The following PSMD14 variants were observed in gnomAD, a reference collection of about 807,000 sequenced individuals.
PSMD14 encodes ubiquitin C-terminal hydrolase PSMD14.
In PSMD14, 7 loss-of-function variants were observed where a neutral mutation model predicts 41.2. The observed-to-expected ratio is 0.17, with a 90% CI of 0.10 to 0.32. PSMD14 has a LOEUF of 0.32. Ranked by LOEUF, PSMD14 falls within the 10% of genes least tolerant of loss-of-function variation. The pLI, the probability that PSMD14 is intolerant of heterozygous loss-of-function variation, is 1.00. For synonymous variants in PSMD14, 114 were observed against 122.3 expected (o/e 0.93, Z 0.45); for missense variants, 139 against 375.6 (o/e 0.37, Z 5.21).
At chr2:161,331,259 T>A (rs755471238) in intron 3 of PSMD14, among the ~76,000 whole-genome samples, 40 of 125,134 alleles carry the variant, frequency 3.2e-4, no homozygotes, top group Non-Finnish European at 5.1e-4. Flanking sequence ...GTCTTTGGAA[T>A]TTTTTTTTTT....
intron 5 of PSMD14, among the ~76,000 whole-genome samples, chr2:161,368,886 A>C (rs1278712929): frequency 2.0e-5 from 3 of 152,016 alleles, no homozygotes; most frequent in African/African-American, 7.2e-5. Context: ...TATTTGCTAC[A>C]GAATGCAATA....
At chr2:161,366,301 T>C (rs1032288550) in intron 3 of PSMD14, among the ~76,000 whole-genome samples, 6 of 152,120 alleles carry the variant, frequency 3.9e-5, no homozygotes, top group Admixed American at 6.5e-5. Flanking sequence ...TTATTTTATT[T>C]AGAGAAAACT....
In PSMD14 at chr2:161,319,860, G is replaced by T. The variant is rs188988168; in HGVS notation, c.48+987G>T. On this transcript the variant is annotated intron_variant, in intron 3 of 11. Coordinates refer to ENST00000409682, the MANE Select transcript of PSMD14 (RefSeq NM_005805.6). ...TATCATGGTTTATGACTTTTATAAA[G>T]TTGAAATCTTTTTGTGATTCTGTAT... is the stretch of plus-strand genomic sequence containing the variant. Among the ~76,000 whole-genome samples the T allele has an allele frequency of 5.3e-5, 8 of 152,272 alleles. No homozygotes were observed. In the East Asian group the frequency reaches 5.8e-4, roughly 11 times the overall value.
intron 8 of PSMD14, among the ~76,000 whole-genome samples, chr2:161,389,906 T>TTTTTTTTG: frequency 8.1e-6 from 1 of 122,802 alleles, no homozygotes; most frequent in African/African-American, 3.0e-5. Context: ...TTTTTTTTTT[T>TTTTTTTTG]TTTTTTAGAG....
chr2:161,345,966 A>T (rs1452310379), intron 3 of PSMD14, among the ~76,000 whole-genome samples: 2 of 152,094 alleles, frequency 1.3e-5, no homozygotes, highest in African/African-American at 2.4e-5. Context: ...ATCACAGCTC[A>T]CTGCAGCCTT....
intron 1 of PSMD14, among the ~76,000 whole-genome samples, chr2:161,309,093 T>TA (rs1689058708): frequency 6.6e-6 from 1 of 152,218 alleles, no homozygotes; most frequent in Admixed American, 6.5e-5. Context: ...GTCCTGCAGA[T>TA]ACACTGCTTT....
chr2:161,363,944 AC>A (rs1683324689), intron 3 of PSMD14, among the ~76,000 whole-genome samples: 1 of 151,700 alleles, frequency 6.6e-6, no homozygotes, highest in African/African-American at 2.4e-5. Context: ...GCTCAATTAG[AC>A]CCCCTGCCTT....
At chr2:161,309,249 G>A (rs1260772906) in intron 1 of PSMD14, among the ~76,000 whole-genome samples, 2 of 152,142 alleles carry the variant, frequency 1.3e-5, no homozygotes, top group Non-Finnish European at 1.5e-5. Flanking sequence ...GTTACATCTT[G>A]CAACTTAATT....
At chr2:161,402,584 T>C (rs1229019566) in intron 10 of PSMD14, among the ~76,000 whole-genome samples, 6 of 151,870 alleles carry the variant, frequency 4.0e-5, no homozygotes, top group Non-Finnish European at 7.4e-5. Context: ...AAGGCTGCAA[T>C]GAACCGTGAT....
chr2:161,327,600 AT>A (rs1489305306), intron 3 of PSMD14, among the ~76,000 whole-genome samples: 1 of 152,114 alleles, frequency 6.6e-6, no homozygotes, highest in Non-Finnish European at 1.5e-5. Flanking sequence ...CAAAAGATTC[AT>A]AATTTGACTA....
intron 11 of PSMD14, 111 bp downstream of exon 11, chr2:161,409,010 T>C (rs1346303820): frequency 8.9e-6 from 7 of 783,462 alleles, no homozygotes; most frequent in Admixed American, 2.7e-5. Context: ...ATGTTTTTCT[T>C]CTGTCATGTA....
At chr2:161,319,406 T>C (rs1277315783) in intron 3 of PSMD14, among the ~76,000 whole-genome samples, 1 of 152,130 alleles carries the variant, frequency 6.6e-6, no homozygotes, top group African/African-American at 2.4e-5. Flanking sequence ...AAATAAGCTT[T>C]CAGTTGTTTT....
At chr2:161,410,141 C>T (rs2105274781) in intron 11 of PSMD14, among the ~76,000 whole-genome samples, 1 of 152,198 alleles carries the variant, frequency 6.6e-6, no homozygotes, top group African/African-American at 2.4e-5. Context: ...TGGCCTACTG[C>T]ATGGCAAAAG....
intron 5 of PSMD14, among the ~76,000 whole-genome samples, 152 bp downstream of exon 5, chr2:161,368,055 T>C (rs1683382931): frequency 1.3e-5 from 2 of 152,010 alleles, no homozygotes; most frequent in Admixed American, 1.3e-4. Flanking sequence ...TTGTATTGAA[T>C]TAAATCATTA....
At chr2:161,369,860 AC>A (rs1277632294) in intron 5 of PSMD14, among the ~76,000 whole-genome samples, 1 of 152,058 alleles carries the variant, frequency 6.6e-6, no homozygotes, top group Admixed American at 6.6e-5. Context: ...AAACATATAC[AC>A]AGCAATGGCC....
intron 6 of PSMD14, among the ~76,000 whole-genome samples, chr2:161,370,875 G>T (rs1161921406): frequency 1.3e-5 from 2 of 152,270 alleles, no homozygotes; most frequent in Non-Finnish European, 1.5e-5. Flanking sequence ...TTACTTGAAT[G>T]CTGAAAGGGT....
chr2:161,404,128 C>T (rs942997437), intron 10 of PSMD14, among the ~76,000 whole-genome samples: 6 of 151,706 alleles, frequency 4.0e-5, no homozygotes, highest in African/African-American at 1.5e-4. Context: ...GTGGTCTCAA[C>T]CTCCTGGCCT....
At chr2:161,315,744 T>A (rs557366163) in intron 1 of PSMD14, among the ~76,000 whole-genome samples, 57 of 152,182 alleles carry the variant, frequency 3.7e-4, no homozygotes, top group African/African-American at 1.3e-3. Flanking sequence ...TCCATACTAT[T>A]TGATAGATTT....
chr2:161,371,496 G>A (rs780030073), intron 7 of PSMD14, among the ~76,000 whole-genome samples, 174 bp downstream of exon 7: 1 of 151,970 alleles, frequency 6.6e-6, no homozygotes, highest in African/African-American at 2.4e-5. Flanking sequence ...GGTATTATTA[G>A]CAATTTATTT....
Sources: gnomAD v4.1 joint callset for allele counts (sites outside exome capture counted in the v4.1 genomes callset) on GRCh38, gnomAD v4.1.1 for gene constraint, MANE v1.5 for transcripts, NCBI Gene and HGNC (gene_info 2026-07-23, HGNC 2026-07-21) for gene names.